Variants in HACD3 observed in about 807,000 individuals in gnomAD.
HACD3 encodes the protein very-long-chain (3R)-3-hydroxyacyl-CoA dehydratase 3.
In HACD3, 30 loss-of-function variants were observed where a neutral mutation model predicts 55.2. The ratio of observed to expected loss-of-function variants is 0.54; its 90% CI spans 0.41 to 0.74. The LOEUF (loss-of-function observed/expected upper bound fraction) is 0.74, where lower values mean the gene tolerates loss of function less well. Among genes scored for constraint, HACD3 ranks in the 30% least tolerant of loss-of-function variants. The probability of loss-of-function intolerance (pLI) is 0.00; values close to 1 mark genes in which losing one functional copy is unlikely to be tolerated. For missense variants in HACD3, 363 were observed against 440.1 expected, an observed-to-expected ratio of 0.82 and a Z score of 1.57; for synonymous variants, 141 against 151.7, an observed-to-expected ratio of 0.93 and a Z score of 0.52.
In HACD3 at chr15:65,530,510, G is replaced by C. The variant is rs987232886; in HGVS notation, c.-122G>C. 3.6e-6 allele frequency: 3 copies of C among 828,030 alleles called. No homozygotes were observed. Among genetic ancestry groups the C allele is most frequent in the Non-Finnish European group, 5.4e-6 (3 of 559,624 alleles). 51.3% of individuals were successfully genotyped at this position (828,030 alleles called of 1,614,324 possible). ...CGAGCGTGGGGTATCTCGAGGTGCC[G>C]GGTTGCAGGCGCTCAGGAGCGCTAG... On this transcript the variant is annotated 5_prime_UTR_variant, in exon 1 of 11. Transcript: ENST00000261875.
chr15:65,551,758 T>C (rs377123091), intron 2 of HACD3, 40 bp downstream of exon 2: 743 of 1,605,928 alleles, frequency 4.6e-4, no homozygotes, highest in Non-Finnish European at 6.1e-4. Flanking sequence ...TATACACAGT[T>C]AAGGAGGTGT....
chr15:65,562,052 A>G lies in HACD3; in HGVS notation c.422-722A>G, dbSNP rs569231811. Among the ~76,000 whole-genome samples, 7 of 152,194 alleles carry G rather than the reference A, an allele frequency of 4.6e-5. No individual in the cohort carries two copies. The East Asian group carries it at 1.3e-3, about 29-fold the overall frequency. ...TCCCCAGGTGTGCCACCCTCCAGGA[A>G]CCTCCGTGTGTTCAGCTGTCTGGAA... On this transcript the variant is annotated intron_variant, in intron 5 of 10. Transcript: ENST00000261875.
intron 8 of HACD3, 80 bp from the exon 9 acceptor site, chr15:65,571,468 T>A: frequency 1.0e-6 from 1 of 985,782 alleles, no homozygotes; most frequent in Non-Finnish European, 1.6e-6. Context: ...GAAATAGAAT[T>A]CTTCTATTTA....
chr15:65,573,722 C>T (rs1341165371), intron 10 of HACD3, among the ~76,000 whole-genome samples: 4 of 152,104 alleles, frequency 2.6e-5, no homozygotes, highest in Non-Finnish European at 5.9e-5. Flanking sequence ...AAAATACATA[C>T]ATTCTTATGT....
At chr15:65,571,994 A>C (rs1276500409) in intron 9 of HACD3, among the ~76,000 whole-genome samples, 1 of 152,172 alleles carries the variant, frequency 6.6e-6, no homozygotes, top group African/African-American at 2.4e-5. Flanking sequence ...TCTCCATTTT[A>C]TAGAATAGAA....
At chr15:65,572,142 G>T in intron 9 of HACD3, 93 bp from the exon 10 acceptor site, 2 of 1,518,690 alleles carry the variant, frequency 1.3e-6, no homozygotes, top group South Asian at 2.4e-5. Flanking sequence ...AGCACACCCA[G>T]AACTGAAACT....
At chr15:65,566,895 G>A (rs1040106605) in intron 7 of HACD3, 2 of 152,170 alleles carry the variant, frequency 1.3e-5, no homozygotes, top group Non-Finnish European at 2.9e-5. Flanking sequence ...AGGGAAATTT[G>A]ACTCTTAGGC....
intron 6 of HACD3, 149 bp downstream of exon 6, chr15:65,563,033 A>C: frequency 8.0e-7 from 1 of 1,245,274 alleles, no homozygotes; most frequent in Non-Finnish European, 1.1e-6. Flanking sequence ...CATAGCTCTT[A>C]TTTCCCATGG....
At position 65,558,689 on chromosome 15, in the gene HACD3, C is replaced by G; in HGVS notation, c.379C>G (p.Arg127Gly). The stretch of plus-strand genomic sequence containing the variant: ...TTTGTCTAAATTCTAGGAAGAAGAG[C>G]GCCTAAATAAACTCCGACTGGAAAG... Reference protein sequence around the residue: ...EMELRAKEEERLNKLRLESEG... With the variant: ...EMELRAKEEEGLNKLRLESEG... Residue 127 changes from arginine (R) to glycine (G), a missense_variant, in exon 5 of 11, where the codon CGC (arginine) becomes GGC (glycine). Arg to Gly is a moderately radical substitution (Grantham distance 125). Coordinates refer to ENST00000261875, the MANE Select transcript of HACD3 (RefSeq NM_016395.4). 2 of 1,597,756 alleles carry G rather than the reference C, an allele frequency of 1.3e-6. No homozygotes were observed. The highest frequency in any genetic ancestry group is 1.7e-6 in the Non-Finnish European group (2 of 1,171,850).
intron 1 of HACD3, among the ~76,000 whole-genome samples, chr15:65,539,501 G>A (rs1287473104): frequency 3.9e-5 from 6 of 152,116 alleles, no homozygotes; most frequent in African/African-American, 4.8e-5. Flanking sequence ...GATTACAGAC[G>A]TGAGCCACCG....
intron 6 of HACD3, 95 bp downstream of exon 6, chr15:65,562,979 A>C: frequency 6.5e-7 from 1 of 1,529,760 alleles, no homozygotes. Flanking sequence ...TGTTAATAAT[A>C]ACCCCTGCAT....
At chr15:65,568,867 A>G (rs1050737491) in intron 7 of HACD3, among the ~76,000 whole-genome samples, 1 of 152,214 alleles carries the variant, frequency 6.6e-6, no homozygotes, top group Admixed American at 6.5e-5. Flanking sequence ...CAGACAACCC[A>G]GATATCTATG....
intron 7 of HACD3, among the ~76,000 whole-genome samples, chr15:65,568,348 A>G (rs2072313100): frequency 6.6e-6 from 1 of 151,936 alleles, no homozygotes; most frequent in Admixed American, 6.6e-5. Context: ...TTAAGATGGT[A>G]AAGTTTATGT....
chr15:65,565,869 T>C (rs995838415), intron 7 of HACD3: 2 of 152,204 alleles, frequency 1.3e-5, no homozygotes, highest in African/African-American at 4.8e-5. Context: ...TTTCCAAACT[T>C]TTATGCTGTT....
chr15:65,552,792 C>CAA (rs1358503163), intron 2 of HACD3, among the ~76,000 whole-genome samples: 8 of 151,732 alleles, frequency 5.3e-5, no homozygotes, highest in African/African-American at 1.9e-4. Flanking sequence ...GCTGCACCCA[C>CAA]TAACTCGTCA....
At chr15:65,537,955 AAAAATATATATATAT>A (rs1175431403) in intron 1 of HACD3, among the ~76,000 whole-genome samples, 4 of 3,712 alleles carry the variant, frequency 1.1e-3, no homozygotes, top group African/African-American at 2.2e-3. Context: ...AAAAAAAAAA[AAAAATATATATATAT>A]ATATATATAT....
chr15:65,532,218 T>G (rs2071908255), intron 1 of HACD3, among the ~76,000 whole-genome samples: 1 of 152,056 alleles, frequency 6.6e-6, no homozygotes, highest in African/African-American at 2.4e-5. Context: ...TTCTGTGCTG[T>G]CTCCCTCTAC....
chr15:65,536,019 T>G lies in HACD3; in HGVS notation c.87+5301T>G, dbSNP rs116760148. Among the ~76,000 whole-genome samples the G allele has an allele frequency of 7.6e-3, 1,144 of 151,444 alleles. 15 individuals are homozygous for G. The highest frequency in any genetic ancestry group is 0.026 in the African/African-American group (1,091 of 41,176). ...TGTTACTATTGTGATTGTTTATTAT[T>G]TATTTATTTATTTTTGAGACAGGGT... On this transcript the variant is annotated intron_variant, in intron 1 of 10. Coordinates refer to ENST00000261875, the MANE Select transcript of HACD3 (RefSeq NM_016395.4).
chr15:65,564,302 T>C lies in HACD3; in HGVS notation c.620T>C (p.Ile207Thr), dbSNP rs967233467. The C allele has an allele frequency of 3.7e-6, 6 of 1,613,840 alleles. No homozygotes were observed. In the African/African-American group the frequency reaches 6.7e-5, roughly 18 times the overall value. Residue 207 changes from isoleucine (I) to threonine (T), a missense_variant, in exon 7 of 11, where the codon ATT becomes ACT. Physicochemically the swap from Ile to Thr is moderately conservative, Grantham distance 89 (BLOSUM62 -1). Coordinates refer to ENST00000261875, the MANE Select transcript of HACD3 (RefSeq NM_016395.4). Reference protein sequence around the residue: ...LAVVETINAAIGVTTSPVLPS... With the variant: ...LAVVETINAATGVTTSPVLPS... Reference sequence around the variant, plus strand: ...GTTGTGGAAACTATCAATGCAGCAATTGGAGTCACTACGTCACCGGTGCTG... The same window carrying C: ...GTTGTGGAAACTATCAATGCAGCAACTGGAGTCACTACGTCACCGGTGCTG...
Sources: gnomAD v4.1 joint callset for allele counts (sites outside exome capture counted in the v4.1 genomes callset) on GRCh38, gnomAD v4.1.1 for gene constraint, MANE v1.5 for transcripts, NCBI Gene and HGNC (gene_info 2026-07-23, HGNC 2026-07-21) for gene names.